The following PMEPA1 variants were observed in gnomAD, a reference collection of about 807,000 sequenced individuals.
The protein encoded by PMEPA1 is prostate transmembrane protein, androgen induced 1.
In PMEPA1, 11 loss-of-function variants were observed where a neutral mutation model predicts 23.0. The observed-to-expected ratio is 0.48, with a 90% CI of 0.30 to 0.79. The LOEUF is 0.79. Ranked by LOEUF, PMEPA1 falls within the 30% of genes least tolerant of loss-of-function variation. PMEPA1 has a pLI of 0.06. For missense variants in PMEPA1, 377 were observed against 390.9 expected (o/e 0.96, Z 0.30); for synonymous variants, 204 against 166.4 (o/e 1.23, Z -1.74).
chr20:57,696,782 G>A (rs2071947697), intron 1 of PMEPA1, among the ~76,000 whole-genome samples: 1 of 152,244 alleles, frequency 6.6e-6, no homozygotes, highest in Admixed American at 6.5e-5. Context: ...TCTCACTAGA[G>A]TGAAAGGGAA....
At chr20:57,690,288 G>C (rs912836851) in intron 1 of PMEPA1, 6 of 559,738 alleles carry the variant, frequency 1.1e-5, no homozygotes, top group Admixed American at 2.4e-5. Flanking sequence ...GACCACCCGG[G>C]GGGGCCGGGC....
chr20:57,703,433 C>T (rs954151087), intron 1 of PMEPA1, among the ~76,000 whole-genome samples: 4 of 152,338 alleles, frequency 2.6e-5, no homozygotes, highest in South Asian at 4.1e-4. Flanking sequence ...GACGTCAGGG[C>T]GGTGTTGACC....
At position 57,682,471 on chromosome 20, in the gene PMEPA1, G is replaced by C. The variant is rs974987169; in HGVS notation, c.110-22774C>G. The stretch of plus-strand genomic sequence containing the variant: ...GTTCTGGGTCTCCCTGGAGTGTCGG[G>C]GTCCTAGGCGCCGGCCCAGAGGAGT... On this transcript the variant is annotated intron_variant, in intron 1 of 3. Transcript: ENST00000341744. This position sits in a 1 kb window ranked among gnomAD's most constrained non-coding sequence, Gnocchi z 4.4. Among the ~76,000 whole-genome samples the C allele has an allele frequency of 6.6e-6, 1 of 152,148 alleles. No homozygotes were observed. Among genetic ancestry groups the C allele is most frequent in the Non-Finnish European group, 1.5e-5 (1 of 68,026 alleles).
chr20:57,708,854 GAC>G (rs933105562), intron 1 of PMEPA1, among the ~76,000 whole-genome samples: 2 of 152,070 alleles, frequency 1.3e-5, no homozygotes, highest in Non-Finnish European at 2.9e-5. Context: ...ACACGGGAAA[GAC>G]ACACAGAGAG....
chr20:57,697,734 C>T (rs772300128), intron 1 of PMEPA1, among the ~76,000 whole-genome samples: 4 of 152,308 alleles, frequency 2.6e-5, no homozygotes, highest in Admixed American at 1.3e-4. Context: ...TAGATTTATA[C>T]GGACAGTTGG....
At chr20:57,710,017 T>A, upstream of PMEPA1, 1 of 993,960 alleles carries the variant, frequency 1.0e-6, no homozygotes, top group Non-Finnish European at 1.2e-6. Flanking sequence ...CGGTCTGACG[T>A]CAGCGCTAGA....
intron 2 of PMEPA1, among the ~76,000 whole-genome samples, chr20:57,653,639 T>A (rs1429103102): frequency 6.6e-6 from 1 of 152,212 alleles, no homozygotes; most frequent in African/African-American, 2.4e-5. Flanking sequence ...AGCATGTGAA[T>A]GTGCTGGGTG....
rs186291616 is a variant in PMEPA1 at position 57,657,323 on chromosome 20, C to A, written c.264+2220G>T. Among the ~76,000 whole-genome samples the A allele has an allele frequency of 3.9e-5, 6 of 152,272 alleles. No individual in the cohort carries two copies. The South Asian group carries it at 8.3e-4, about 21-fold the overall frequency. Reference sequence around the variant, plus strand: ...GGTGCCTTCTGGAATGTCCAGGCACCGTCACTCTCCCCAGCACTTGAGGGA... The same window carrying A: ...GGTGCCTTCTGGAATGTCCAGGCACAGTCACTCTCCCCAGCACTTGAGGGA... On this transcript the variant is annotated intron_variant, in intron 2 of 3. Transcript: ENST00000341744.
intron 1 of PMEPA1, among the ~76,000 whole-genome samples, chr20:57,671,448 T>G (rs2071567479): frequency 6.6e-6 from 1 of 152,110 alleles, no homozygotes. Context: ...ACACAAGCAC[T>G]TCACCTTTCA....
chr20:57,668,447 C>T (rs562672456), intron 1 of PMEPA1, among the ~76,000 whole-genome samples: 3 of 152,324 alleles, frequency 2.0e-5, no homozygotes, highest in South Asian at 2.1e-4. Flanking sequence ...GTTAACTTCC[C>T]GGATGGAACC....
chr20:57,676,155 C>T (rs1474940277), intron 1 of PMEPA1, among the ~76,000 whole-genome samples: 1 of 152,364 alleles, frequency 6.6e-6, no homozygotes, highest in Admixed American at 6.5e-5. Context: ...CACAGCAAAG[C>T]TGTGGAAGGC....
rs182677710 is a variant in PMEPA1, at chr20:57,705,365, T to C, written c.109+4109A>G. On this transcript the variant is annotated intron_variant, in intron 1 of 3. Transcript: ENST00000341744. ...TCAACTCCCTTAATAACTCCCCTAT[T>C]GCACCACAACCTAAAACCCAGACAG... 7.6e-3 allele frequency among the ~76,000 whole-genome samples: 1,164 copies of C among 152,288 alleles called. 18 individuals carry two copies. The highest frequency in any genetic ancestry group is 0.026 in the African/African-American group (1,098 of 41,546).
intron 1 of PMEPA1, among the ~76,000 whole-genome samples, chr20:57,666,363 A>G (rs2071492312): frequency 6.6e-6 from 1 of 152,040 alleles, no homozygotes; most frequent in African/African-American, 2.4e-5. Flanking sequence ...CCCTTTATGC[A>G]CATCATCTGA....
At position 57,673,227 on chromosome 20, in the gene PMEPA1, T is replaced by TGCCCTCCTCCTGCTGCCC. The variant is rs1188561195; in HGVS notation, c.110-13548_110-13531dup. 5.3e-5 allele frequency among the ~76,000 whole-genome samples: 8 copies of TGCCCTCCTCCTGCTGCCC among 151,588 alleles called. No homozygotes were observed. In the East Asian group the frequency reaches 1.6e-3, roughly 30 times the overall value. ...GGCTGGCCCACCTGCCTGGGGTGCC[T>TGCCCTCCTCCTGCTGCCC]GCCCTCCTCCTGCTGCCCATTCTCG... is the stretch of plus-strand genomic sequence containing the variant. On this transcript the variant is annotated intron_variant, in intron 1 of 3. Coordinates refer to ENST00000341744, the MANE Select transcript of PMEPA1 (RefSeq NM_020182.5).
In PMEPA1 at chr20:57,683,554, C is replaced by CGTGTGT. The variant is rs11467205; in HGVS notation, c.110-23863_110-23858dup. ...CGGTGGTGGTGTTCTGGCCTGTGTGCGTGTGTGTGTGTGTGTGTGTGTGTG... is the reference window on the plus strand; with the variant it reads ...CGGTGGTGGTGTTCTGGCCTGTGTGCGTGTGTGTGTGTGTGTGTGTGTGTGTGTGTG... On this transcript the variant is annotated intron_variant, in intron 1 of 3. Transcript: ENST00000341744. This position sits in a 1 kb window ranked among gnomAD's most constrained non-coding sequence, Gnocchi z 4.3. Among the ~76,000 whole-genome samples the CGTGTGT allele has an allele frequency of 0.039, 4,172 of 106,358 alleles. 114 individuals carry two copies. The highest frequency in any genetic ancestry group is 0.068 in the African/African-American group (2,581 of 38,218). 69.8% of individuals were successfully genotyped at this position (106,358 alleles called of 152,430 possible).
intron 1 of PMEPA1, among the ~76,000 whole-genome samples, chr20:57,705,667 T>A (rs933326328): frequency 6.6e-6 from 1 of 152,204 alleles, no homozygotes; most frequent in Non-Finnish European, 1.5e-5. Context: ...GACGAACGTC[T>A]GACGGGAATT....
chr20:57,700,465 C>T (rs1275015624), intron 1 of PMEPA1, among the ~76,000 whole-genome samples: 1 of 152,224 alleles, frequency 6.6e-6, no homozygotes, highest in Admixed American at 6.5e-5. Context: ...GGCAAAGTGG[C>T]ATCTCGAACC....
intron 1 of PMEPA1, among the ~76,000 whole-genome samples, chr20:57,663,892 C>A (rs75203528): frequency 4.5e-4 from 69 of 152,174 alleles, no homozygotes; most frequent in Non-Finnish European, 8.5e-4. Flanking sequence ...CAAGCCCCAC[C>A]GGCGCGGATG....
In PMEPA1 at chr20:57,652,039, C is replaced by T. The variant is rs2071239525; in HGVS notation, c.*14G>A. ...TTTCACCTACGCAGCCCCAGCCCGG[C>T]CCCCCTGGGGACCCTAGAGAGGGTG... On this transcript the variant is annotated 3_prime_UTR_variant, in exon 4 of 4. Coordinates refer to ENST00000341744, the MANE Select transcript of PMEPA1 (RefSeq NM_020182.5). This position sits in a 1 kb window ranked among gnomAD's most constrained non-coding sequence, Gnocchi z 6.1. 6.9e-7 allele frequency: 1 copy of T among 1,459,466 alleles called. No homozygotes were observed. The allele number at this position is 1,459,466 out of a possible 1,614,324, so 90.4% of individuals were successfully genotyped here. A position where few individuals can be genotyped will look rare whatever the true frequency, so the allele number is the denominator to read the frequency against.
Sources: gnomAD v4.1 joint callset for allele counts (sites outside exome capture counted in the v4.1 genomes callset) on GRCh38, gnomAD v4.1.1 for gene constraint, Gnocchi (gnomAD v3.1) non-coding constraint, MANE v1.5 for transcripts, NCBI Gene and HGNC (gene_info 2026-07-23, HGNC 2026-07-21) for gene names.